Variants in KLRF2 observed in about 807,000 individuals in gnomAD.
KLRF2 encodes the protein killer cell lectin-like receptor subfamily F member 2.
In KLRF2, 28 loss-of-function variants were observed where a neutral mutation model predicts 25.3. The observed-to-expected ratio is 1.11, with a 90% CI of 0.82 to 1.52. The LOEUF is 1.52. Among genes scored for constraint, KLRF2 ranks in the 40% most tolerant of loss-of-function variants. KLRF2 has a pLI of 0.00. For synonymous variants in KLRF2, 73 were observed against 85.0 expected (o/e 0.86, Z 0.78); for missense variants, 265 against 245.8 (o/e 1.08, Z -0.52).
chr12:9,890,681 A>C (rs903721861), intron 3 of KLRF2, among the ~76,000 whole-genome samples: 2 of 152,216 alleles, frequency 1.3e-5, no homozygotes, highest in Non-Finnish European at 2.9e-5. Flanking sequence ...ATCTTTCTTT[A>C]GATTAACTCA....
In KLRF2 at chr12:9,891,054, T is replaced by A. The variant is rs189292162; in HGVS notation, c.218-1966T>A. On this transcript the variant is annotated intron_variant, in intron 3 of 5. Coordinates refer to ENST00000535540, the MANE Select transcript of KLRF2 (RefSeq NM_001190765.1). ...ACTTGTCCCCTCCTTTTAATTTTTT[T>A]TTTTTTTGCCCTTTATTTGTCAAAA... Among the ~76,000 whole-genome samples the A allele has an allele frequency of 6.6e-5, 10 of 152,262 alleles. No individual in the cohort carries two copies. In the East Asian group the frequency reaches 1.9e-3, roughly 29 times the overall value.
chr12:9,884,015 G>A (rs988080600), intron 1 of KLRF2, among the ~76,000 whole-genome samples: 1 of 152,046 alleles, frequency 6.6e-6, no homozygotes, highest in African/African-American at 2.4e-5. Context: ...TTTCTCTTTG[G>A]CCACTAGCCT....
At chr12:9,892,905 A>AG in intron 3 of KLRF2, 115 bp from the exon 4 acceptor site, 1 of 854,782 alleles carries the variant, frequency 1.2e-6, no homozygotes. Flanking sequence ...TTATTGACCA[A>AG]AAAAAAAAAA....
intron 3 of KLRF2, 139 bp from the exon 4 acceptor site, chr12:9,892,881 G>T: frequency 1.5e-6 from 1 of 669,770 alleles, no homozygotes; most frequent in Non-Finnish European, 2.4e-6. Flanking sequence ...ACCGCGCCTG[G>T]TCTGAACTCC....
At chr12:9,893,190 C>CT in intron 4 of KLRF2, 22 bp downstream of exon 4, 1 of 1,521,202 alleles carries the variant, frequency 6.6e-7, no homozygotes, top group Non-Finnish European at 8.8e-7. Context: ...AAAACAGGAT[C>CT]TAACTGCACA....
chr12:9,894,171 G>GTTTC lies in KLRF2; in HGVS notation c.479+650_479+653dup, dbSNP rs200285327. On this transcript the variant is annotated intron_variant, in intron 5 of 5. Transcript: ENST00000535540. ...CTCTCTCTCCCTCCCTTCCTTCTTT[G>GTTTC]TTTCTTTCTTTCTTTCTTTCTTTTT... is the stretch of plus-strand genomic sequence containing the variant. Among the ~76,000 whole-genome samples the GTTTC allele has an allele frequency of 4.7e-3, 371 of 78,654 alleles. 2 individuals carry two copies. The highest frequency in any genetic ancestry group is 0.017 in the African/African-American group (331 of 19,520). 51.6% of individuals were successfully genotyped at this position (78,654 alleles called of 152,430 possible). A position where few individuals can be genotyped will look rare whatever the true frequency, so the allele number is the denominator to read the frequency against.
At chr12:9,894,525 T>C (rs1325076171) in intron 5 of KLRF2, among the ~76,000 whole-genome samples, 5 of 152,188 alleles carry the variant, frequency 3.3e-5, no homozygotes, top group Non-Finnish European at 5.9e-5. Context: ...CACGATACTT[T>C]CTTCACATTG....
At chr12:9,883,157 ATTC>A (rs1352769502) in intron 1 of KLRF2, among the ~76,000 whole-genome samples, 1 of 152,210 alleles carries the variant, frequency 6.6e-6, no homozygotes, top group Non-Finnish European at 1.5e-5. Flanking sequence ...ACCTAAGGGA[ATTC>A]TTACCAGTTG....
chr12:9,886,121 A>G (rs1275201638), intron 2 of KLRF2, among the ~76,000 whole-genome samples: 1 of 152,178 alleles, frequency 6.6e-6, no homozygotes, highest in African/African-American at 2.4e-5. Context: ...AGAAGAAATC[A>G]ATGAAATTTG....
intron 2 of KLRF2, among the ~76,000 whole-genome samples, chr12:9,885,984 G>C (rs1435199495): frequency 6.6e-6 from 1 of 151,996 alleles, no homozygotes; most frequent in African/African-American, 2.4e-5. Flanking sequence ...TTTCTTGTTA[G>C]ACACTGAGTA....
At chr12:9,894,101 CTCTT>C (rs1565524045) in intron 5 of KLRF2, among the ~76,000 whole-genome samples, 4 of 147,864 alleles carry the variant, frequency 2.7e-5, no homozygotes, top group Admixed American at 1.3e-4. Flanking sequence ...TTCTCTTTCT[CTCTT>C]TTTCTTTTTC....
At chr12:9,895,567 A>G in intron 5 of KLRF2, 122 bp from the exon 6 acceptor site, 2 of 880,914 alleles carry the variant, frequency 2.3e-6, no homozygotes, top group Non-Finnish European at 3.3e-6. Context: ...ATTCCATTCT[A>G]AAACCTCTGC....
Sources: allele counts gnomAD v4.1 joint callset (sites outside exome capture counted in the v4.1 genomes callset), GRCh38; gene constraint gnomAD v4.1.1; transcripts MANE v1.5; gene names NCBI Gene and HGNC (gene_info 2026-07-23, HGNC 2026-07-21).